SEC24D: variants seen among roughly 807,000 people sequenced by gnomAD.
SEC24D encodes the protein protein transport protein Sec24D.
In SEC24D, 69 loss-of-function variants were observed where a neutral mutation model predicts 116.9. The observed-to-expected ratio is 0.59, with a 90% CI of 0.49 to 0.72. The LOEUF (loss-of-function observed/expected upper bound fraction) is 0.72, where lower values mean the gene tolerates loss of function less well. Among genes scored for constraint, SEC24D ranks in the 30% least tolerant of loss-of-function variants. SEC24D has a pLI of 0.00. For synonymous variants in SEC24D, 405 were observed against 442.8 expected (o/e 0.91, Z 1.07); for missense variants, 1,131 against 1,264.1 (o/e 0.89, Z 1.60).
Position 118,757,736 on chromosome 4 carries a change from A to G in SEC24D, c.1406T>C (p.Leu469Pro), listed in dbSNP as rs2110462991. ...KLICEELKTM[L>P]EKIPKEEQEE... The stretch of plus-strand genomic sequence containing the variant: ...GTTGCCTTACTTTGGAATTTTTTCC[A>G]GCATGGTCTTCAGTTCTTCACATAT... Residue 469 changes from leucine (L) to proline (P), a missense_variant, in exon 11 of 23, where the codon CTG becomes CCG. Leu to Pro is a moderately conservative substitution (Grantham distance 98). Coordinates refer to ENST00000280551, the MANE Select transcript of SEC24D (RefSeq NM_014822.4). The G allele has an allele frequency of 6.2e-7, 1 of 1,605,354 alleles. No homozygotes were observed. The highest frequency in any genetic ancestry group is 8.5e-7 in the Non-Finnish European group (1 of 1,177,424).
chr4:118,728,744 C>G (rs1315766624), intron 21 of SEC24D, 94 bp from the exon 22 acceptor site: 1 of 751,854 alleles, frequency 1.3e-6, no homozygotes, highest in East Asian at 2.8e-5. Flanking sequence ...AACATAAAAC[C>G]ATGTACTTGA....
chr4:118,805,028 A>T (rs775368311), intron 7 of SEC24D, among the ~76,000 whole-genome samples: 18 of 152,048 alleles, frequency 1.2e-4, no homozygotes, highest in Non-Finnish European at 2.5e-4. Flanking sequence ...AGGTTGAGAG[A>T]GAGAGGTGAA....
At chr4:118,821,662 T>C in intron 3 of SEC24D, among the ~76,000 whole-genome samples, 1 of 152,250 alleles carries the variant, frequency 6.6e-6, no homozygotes, top group Middle Eastern at 3.2e-3. Flanking sequence ...TTCTTTGGTA[T>C]ACTAAGTACA....
At chr4:118,834,229 AG>A (rs1394653722) in intron 1 of SEC24D, among the ~76,000 whole-genome samples, 4 of 152,254 alleles carry the variant, frequency 2.6e-5, no homozygotes, top group African/African-American at 9.6e-5. Flanking sequence ...GAGAAATCAT[AG>A]TCCAACAAAC....
chr4:118,780,532 A>G (rs573309834), intron 8 of SEC24D, among the ~76,000 whole-genome samples: 2 of 152,276 alleles, frequency 1.3e-5, no homozygotes, highest in Admixed American at 1.3e-4. Flanking sequence ...TATGTGGTCA[A>G]TTTTGGAATA....
In SEC24D at chr4:118,738,094, A is replaced by T. The variant is rs958638365; in HGVS notation, c.2496+167T>A. ...ACATTTTTAAATGTTGGCTATAAAA[A>T]AAAAAACCACAGCCCCCCCAAATTG... On this transcript the variant is annotated intron_variant, in intron 19 of 22. Transcript: ENST00000280551. 7 of 530,146 alleles carry T rather than the reference A, an allele frequency of 1.3e-5. No homozygotes were observed. In the East Asian group the frequency reaches 2.2e-4, roughly 16 times the overall value. 32.8% of individuals were successfully genotyped at this position (530,146 alleles called of 1,614,324 possible).
chr4:118,749,927 T>C (rs1240462526), intron 13 of SEC24D, among the ~76,000 whole-genome samples: 1 of 152,246 alleles, frequency 6.6e-6, no homozygotes, highest in Non-Finnish European at 1.5e-5. Context: ...TTTATAAAGA[T>C]AGTTCATTCT....
At chr4:118,824,363 C>A (rs192381985) in intron 3 of SEC24D, among the ~76,000 whole-genome samples, 2 of 152,280 alleles carry the variant, frequency 1.3e-5, no homozygotes, top group Admixed American at 1.3e-4. Flanking sequence ...CTAGCCTGGT[C>A]TCAAACTCCT....
At chr4:118,756,755 G>C (rs143664614) in intron 11 of SEC24D, among the ~76,000 whole-genome samples, 3 of 152,244 alleles carry the variant, frequency 2.0e-5, no homozygotes, top group Non-Finnish European at 4.4e-5. Context: ...CCCTGCTCAT[G>C]AATCTCCTTA....
At chr4:118,798,911 G>A (rs898255670) in intron 7 of SEC24D, among the ~76,000 whole-genome samples, 2 of 152,248 alleles carry the variant, frequency 1.3e-5, no homozygotes, top group African/African-American at 2.4e-5. Context: ...ACCAACTGGT[G>A]TGGAGTTCAG....
intron 8 of SEC24D, among the ~76,000 whole-genome samples, chr4:118,780,570 A>G (rs895263041): frequency 5.9e-5 from 9 of 152,162 alleles, no homozygotes; most frequent in Non-Finnish European, 1.2e-4. Context: ...AGATGAATGT[A>G]TATTCTGTTG....
intron 8 of SEC24D, among the ~76,000 whole-genome samples, chr4:118,783,538 G>T (rs1292458121): frequency 6.6e-6 from 1 of 152,176 alleles, no homozygotes; most frequent in Non-Finnish European, 1.5e-5. Context: ...AGTATTCATT[G>T]AATTGAATTG....
At chr4:118,749,204 G>A (rs1211810172) in intron 13 of SEC24D, among the ~76,000 whole-genome samples, 1 of 152,126 alleles carries the variant, frequency 6.6e-6, no homozygotes, top group Non-Finnish European at 1.5e-5. Context: ...AATGCTATGA[G>A]TACAAGATGC....
intron 8 of SEC24D, among the ~76,000 whole-genome samples, chr4:118,790,055 G>T (rs1307753253): frequency 6.6e-6 from 1 of 152,108 alleles, no homozygotes; most frequent in African/African-American, 2.4e-5. Context: ...TTAAGTCCTA[G>T]GCAAGAGTAA....
intron 21 of SEC24D, 118 bp from the exon 22 acceptor site, chr4:118,728,768 T>C: frequency 1.7e-6 from 1 of 585,462 alleles, no homozygotes; most frequent in Non-Finnish European, 2.8e-6. Flanking sequence ...TTGGTGTAGT[T>C]CATTACCTGA....
intron 3 of SEC24D, among the ~76,000 whole-genome samples, chr4:118,824,223 T>C (rs921328305): frequency 6.6e-6 from 1 of 152,164 alleles, no homozygotes; most frequent in African/African-American, 2.4e-5. Context: ...CATAGCTCAC[T>C]GCAGCCTTGA....
Position 118,740,749 on chromosome 4 carries a change from T to C in SEC24D, c.2152A>G (p.Met718Val). The change falls in exon 17 of 23, where the codon ATG becomes GTG. Residue 718 changes from methionine to valine, a missense_variant. Met to Val is a conservative substitution (Grantham distance 21, BLOSUM62 1). Coordinates refer to ENST00000280551, the MANE Select transcript of SEC24D (RefSeq NM_014822.4). Reference sequence around the variant, plus strand: ...GCCTTGTCACAATCGATGGCAGCCATTTCTACATCGGTGGTGTTGTTCATC... The same window carrying C: ...GCCTTGTCACAATCGATGGCAGCCACTTCTACATCGGTGGTGTTGTTCATC... ...ILMNNTTDVEMAAIDCDKAVT... is the reference protein window; with the variant it reads ...ILMNNTTDVEVAAIDCDKAVT... 1.2e-6 allele frequency: 2 copies of C among 1,613,980 alleles called. No individual in the cohort carries two copies. Among genetic ancestry groups the C allele is most frequent in the Middle Eastern group, 3.3e-4 (2 of 6,056 alleles).
At chr4:118,765,912 TC>T (rs1283476485) in intron 9 of SEC24D, among the ~76,000 whole-genome samples, 2 of 152,192 alleles carry the variant, frequency 1.3e-5, no homozygotes, top group African/African-American at 4.8e-5. Context: ...TTTATAAGGT[TC>T]TTATGCACAT....
chr4:118,834,332 T>C (rs1731001494), intron 1 of SEC24D, among the ~76,000 whole-genome samples: 1 of 152,226 alleles, frequency 6.6e-6, no homozygotes, highest in Admixed American at 6.5e-5. Context: ...GTGTTGTCAG[T>C]GGTTTTTCAA....
Sources: gnomAD v4.1 joint callset for allele counts (sites outside exome capture counted in the v4.1 genomes callset) on GRCh38, gnomAD v4.1.1 for gene constraint, MANE v1.5 for transcripts, NCBI Gene and HGNC (gene_info 2026-07-23, HGNC 2026-07-21) for gene names.